SLC49A4: variants seen among roughly 807,000 people sequenced by gnomAD.
The protein encoded by SLC49A4 is solute carrier family 49 member 4, also known as disrupted in renal cancer protein 2.
SLC49A4 carries 36 observed loss-of-function variants against 50.6 expected under a neutral mutation model. That is an observed-to-expected ratio of 0.71 (90% CI 0.55 to 0.94). SLC49A4 has a LOEUF of 0.94. Among genes scored for constraint, SLC49A4 ranks in the 40% least tolerant of loss-of-function variants. The pLI is 0.00. For synonymous variants in SLC49A4, 248 were observed against 241.2 expected (o/e 1.03, Z -0.26); for missense variants, 503 against 605.7 (o/e 0.83, Z 1.78).
chr3:122,834,821 C>T (rs1936656281), intron 4 of SLC49A4, among the ~76,000 whole-genome samples: 1 of 151,784 alleles, frequency 6.6e-6, no homozygotes, highest in Admixed American at 6.6e-5. Flanking sequence ...CTAGATTAAC[C>T]AAGAAAAGAA....
At chr3:122,816,189 G>T (rs1294790748) in intron 2 of SLC49A4, among the ~76,000 whole-genome samples, 1 of 152,162 alleles carries the variant, frequency 6.6e-6, no homozygotes, top group Non-Finnish European at 1.5e-5. Context: ...TGGCTCTGAA[G>T]CACATTTTAT....
intron 3 of SLC49A4, among the ~76,000 whole-genome samples, chr3:122,829,340 A>C (rs761644533): frequency 6.6e-6 from 1 of 152,266 alleles, no homozygotes; most frequent in Non-Finnish European, 1.5e-5. Flanking sequence ...AAACATGATC[A>C]TCTTAAAAGA....
At chr3:122,802,973 AAG>A (rs1339183536) in intron 1 of SLC49A4, among the ~76,000 whole-genome samples, 1 of 152,218 alleles carries the variant, frequency 6.6e-6, no homozygotes, top group Non-Finnish European at 1.5e-5. Context: ...TCATAAGGAA[AAG>A]AGAGAGAAGT....
In SLC49A4 at chr3:122,827,040, T is replaced by G; in HGVS notation, c.678T>G (p.Asp226Glu). ...AGAGCAGCAGGGCGCATATTAAAGA[T>G]CGCATAGAGGCTGTGTTATATGCAG... ...AAESSRAHIKDRIEAVLYAEF... is the reference protein window; with the variant it reads ...AAESSRAHIKERIEAVLYAEF... Residue 226 changes from aspartate (D) to glutamate (E), a missense_variant, in exon 3 of 9, where the codon GAT becomes GAG. By Grantham distance (45) the Asp-to-Glu change is conservative. Transcript: ENST00000261038. 1 of 1,613,586 alleles carries G rather than the reference T, an allele frequency of 6.2e-7. No individual in the cohort carries two copies.
rs1937314844 is a variant in SLC49A4 at position 122,879,986 on chromosome 3, T to G, written c.*608T>G. On this transcript the variant is annotated 3_prime_UTR_variant, in exon 9 of 9. Transcript: ENST00000261038. ...GGTGATCAGGTGCTTTCCAGTGACT[T>G]CTGAGCATAGGCACTGTGTCTCCAT... 6.5e-6 allele frequency: 1 copy of G among 152,682 alleles called. No individual in the cohort carries two copies. Among genetic ancestry groups the G allele is most frequent in the Admixed American group, 6.5e-5 (1 of 15,288 alleles). 9.5% of individuals were successfully genotyped at this position (152,682 alleles called of 1,614,324 possible).
In SLC49A4 at chr3:122,795,154, G is replaced by C. The variant is rs778952876; in HGVS notation, c.-39G>C. 1.9e-5 allele frequency: 25 copies of C among 1,308,184 alleles called. No individual in the cohort carries two copies. The highest frequency in any genetic ancestry group is 3.2e-5 in the East Asian group (1 of 31,662). 81.0% of individuals were successfully genotyped at this position (1,308,184 alleles called of 1,614,324 possible). A position where few individuals can be genotyped will look rare whatever the true frequency, so the allele number is the denominator to read the frequency against. On this transcript the variant is annotated 5_prime_UTR_variant, in exon 1 of 9. Transcript: ENST00000261038. The stretch of plus-strand genomic sequence containing the variant: ...CGCTGGGCTAGTCGGCGGTGACCCG[G>C]ACTGCGCCCGGCAGTGGCTTCGCGG...
At chr3:122,805,226 G>A (rs1221326780) in intron 1 of SLC49A4, among the ~76,000 whole-genome samples, 2 of 152,132 alleles carry the variant, frequency 1.3e-5, no homozygotes, top group Non-Finnish European at 2.9e-5. Context: ...CAGTAAATGA[G>A]CAGTATGTAT....
At chr3:122,863,873 T>A (rs1937084604) in intron 7 of SLC49A4, among the ~76,000 whole-genome samples, 1 of 152,214 alleles carries the variant, frequency 6.6e-6, no homozygotes, top group Non-Finnish European at 1.5e-5. Context: ...TTATAAGTGC[T>A]ACTGCTGTCT....
Position 122,872,405 on chromosome 3 carries a change from T to C in SLC49A4, c.1139-10T>C, listed in dbSNP as rs1156484402. 3 of 1,599,914 alleles carry C rather than the reference T, an allele frequency of 1.9e-6. No individual in the cohort carries two copies. The Admixed American group carries it at 5.2e-5, about 28-fold the overall frequency. Reference sequence around the variant, plus strand: ...AGTGTGAAACTAAAATGTTTGTGTTTTTATTTTAGTGACATTGTATGCCTC... The same window carrying C: ...AGTGTGAAACTAAAATGTTTGTGTTCTTATTTTAGTGACATTGTATGCCTC... On this transcript the variant is annotated splice_polypyrimidine_tract_variant and intron_variant, in intron 7 of 8. Coordinates refer to ENST00000261038, the MANE Select transcript of SLC49A4 (RefSeq NM_032839.3).
chr3:122,859,292 A>G (rs1937028251), intron 6 of SLC49A4, among the ~76,000 whole-genome samples: 1 of 152,188 alleles, frequency 6.6e-6, no homozygotes, highest in Non-Finnish European at 1.5e-5. Context: ...CATGGCATGT[A>G]TGAGAAACAG....
intron 2 of SLC49A4, among the ~76,000 whole-genome samples, chr3:122,822,141 A>C (rs950789552): frequency 1.3e-5 from 2 of 152,216 alleles, no homozygotes; most frequent in African/African-American, 4.8e-5. Flanking sequence ...TGAGGCATGT[A>C]ATGATGACAA....
intron 1 of SLC49A4, among the ~76,000 whole-genome samples, chr3:122,796,823 G>A (rs889420322): frequency 4.6e-5 from 7 of 152,310 alleles, no homozygotes; most frequent in Admixed American, 2.6e-4. Flanking sequence ...GTCGAAGCTG[G>A]AGTGAGCTGT....
At chr3:122,819,873 T>A (rs1157908164) in intron 2 of SLC49A4, among the ~76,000 whole-genome samples, 1 of 152,084 alleles carries the variant, frequency 6.6e-6, no homozygotes, top group Non-Finnish European at 1.5e-5. Flanking sequence ...AGAGTTTATT[T>A]TGATATGGCA....
At chr3:122,876,664 G>A (rs950291979) in intron 8 of SLC49A4, among the ~76,000 whole-genome samples, 3 of 152,196 alleles carry the variant, frequency 2.0e-5, no homozygotes, top group African/African-American at 7.2e-5. Flanking sequence ...GTTCTGGAGA[G>A]TGGTAGCTGG....
At chr3:122,861,051 A>G (rs1261649941) in intron 7 of SLC49A4, among the ~76,000 whole-genome samples, 1 of 152,100 alleles carries the variant, frequency 6.6e-6, no homozygotes, top group African/African-American at 2.4e-5. Flanking sequence ...TTCCATCGTT[A>G]CATCTGCTTC....
chr3:122,821,355 A>C (rs1936449908), intron 2 of SLC49A4, among the ~76,000 whole-genome samples: 1 of 152,164 alleles, frequency 6.6e-6, no homozygotes, highest in South Asian at 2.1e-4. Context: ...AAAAGGGAAA[A>C]GGAGAAAGAC....
chr3:122,859,744 T>C (rs1937034084), intron 6 of SLC49A4, among the ~76,000 whole-genome samples: 1 of 152,038 alleles, frequency 6.6e-6, no homozygotes. Context: ...TGCTTGAGCC[T>C]GGGAGGTGAG....
At chr3:122,865,438 G>T (rs1937105318) in intron 7 of SLC49A4, among the ~76,000 whole-genome samples, 1 of 152,134 alleles carries the variant, frequency 6.6e-6, no homozygotes, top group Non-Finnish European at 1.5e-5. Context: ...TTAATCAGAA[G>T]TAGGTTATGA....
intron 1 of SLC49A4, among the ~76,000 whole-genome samples, chr3:122,798,685 C>G (rs924453061): frequency 1.7e-5 from 2 of 115,536 alleles, no homozygotes; most frequent in Non-Finnish European, 3.3e-5. Flanking sequence ...CACTTGGTCA[C>G]TCAGGCTGGA....
Sources: gnomAD v4.1 joint callset for allele counts (sites outside exome capture counted in the v4.1 genomes callset) on GRCh38, gnomAD v4.1.1 for gene constraint, MANE v1.5 for transcripts, NCBI Gene and HGNC (gene_info 2026-07-23, HGNC 2026-07-21) for gene names.